Variants in SUSD6 observed in about 807,000 individuals in gnomAD.
SUSD6 encodes the protein sushi domain containing 6.
In SUSD6, 16 loss-of-function variants were observed where a neutral mutation model predicts 28.4. The observed-to-expected ratio is 0.56, with a 90% CI of 0.38 to 0.86. The LOEUF is 0.86. Ranked by LOEUF, SUSD6 falls within the 40% of genes least tolerant of loss-of-function variation. The pLI is 0.00. For synonymous variants in SUSD6, 147 were observed against 159.6 expected, an observed-to-expected ratio of 0.92 and a Z score of 0.59; for missense variants, 341 against 384.2, an observed-to-expected ratio of 0.89 and a Z score of 0.94.
rs191021058 is a variant in SUSD6 at position 69,660,935 on chromosome 14, T to G, written c.121+2222T>G. 1.2e-4 allele frequency among the ~76,000 whole-genome samples: 19 copies of G among 152,274 alleles called. No homozygotes were observed. In the East Asian group the frequency reaches 3.7e-3, roughly 29 times the overall value. Reference sequence around the variant, plus strand: ...ATGTTGAGGCTTTAAAATATTTGGGTCTTTGTAAAAGAGGTTCTTCCCCAG... The same window carrying G: ...ATGTTGAGGCTTTAAAATATTTGGGGCTTTGTAAAAGAGGTTCTTCCCCAG... On this transcript the variant is annotated intron_variant, in intron 2 of 5. Transcript: ENST00000342745.
intron 2 of SUSD6, among the ~76,000 whole-genome samples, chr14:69,668,685 C>G (rs1885782163): frequency 6.6e-6 from 1 of 151,074 alleles, no homozygotes. Context: ...CCTACCAAAT[C>G]TCATGTTAAA....
chr14:69,622,462 C>T (rs1315662996), intron 1 of SUSD6, among the ~76,000 whole-genome samples: 2 of 152,186 alleles, frequency 1.3e-5, no homozygotes, highest in South Asian at 4.1e-4. Context: ...GCTACCACCC[C>T]GGCCCAGTGT....
intron 2 of SUSD6, among the ~76,000 whole-genome samples, chr14:69,685,111 C>T (rs891255220): frequency 3.3e-5 from 5 of 152,188 alleles, no homozygotes; most frequent in Admixed American, 1.3e-4. Flanking sequence ...GTTGAGAGGA[C>T]TCAGGAAGGG....
At chr14:69,672,776 G>C (rs1885852835) in intron 2 of SUSD6, among the ~76,000 whole-genome samples, 1 of 152,322 alleles carries the variant, frequency 6.6e-6, no homozygotes, top group Admixed American at 6.5e-5. Context: ...TGGCAGGGTG[G>C]GATCTGAGCA....
At chr14:69,630,642 G>A (rs560917238) in intron 1 of SUSD6, among the ~76,000 whole-genome samples, 19 of 151,794 alleles carry the variant, frequency 1.3e-4, no homozygotes, top group Admixed American at 5.9e-4. Flanking sequence ...CCCAGGCAGC[G>A]TGCTTCATGT....
chr14:69,619,676 T>C (rs981442504), intron 1 of SUSD6, among the ~76,000 whole-genome samples: 14 of 150,978 alleles, frequency 9.3e-5, no homozygotes, highest in African/African-American at 3.4e-4. Context: ...GAGGCTGAAG[T>C]TGGGGGATCG....
chr14:69,625,136 G>A (rs1595031418), intron 1 of SUSD6, among the ~76,000 whole-genome samples: 1 of 152,166 alleles, frequency 6.6e-6, no homozygotes, highest in African/African-American at 2.4e-5. Flanking sequence ...TGACTGTGTG[G>A]CTTCAGGTAG....
rs1402968780 is a variant in SUSD6 at position 69,712,021 on chromosome 14, G to A, written c.*1042G>A. The A allele has an allele frequency of 1.3e-5, 2 of 152,374 alleles. No homozygotes were observed. The highest frequency in any genetic ancestry group is 2.4e-5 in the African/African-American group (1 of 41,464). 9.4% of individuals were successfully genotyped at this position (152,374 alleles called of 1,614,324 possible). A position where few individuals can be genotyped will look rare whatever the true frequency, so the allele number is the denominator to read the frequency against. On this transcript the variant is annotated 3_prime_UTR_variant, in exon 6 of 6. Transcript: ENST00000342745. ...TGCCCCTTTCTGGGTTTGTGGTGAC[G>A]GAGGGGAGGCCGAGAGGCACAGACC...
At chr14:69,678,344 A>G (rs1055322898) in intron 2 of SUSD6, among the ~76,000 whole-genome samples, 3 of 148,684 alleles carry the variant, frequency 2.0e-5, no homozygotes, top group Non-Finnish European at 4.5e-5. Context: ...ATATAATTAT[A>G]TAAATATATA....
At chr14:69,644,534 C>A (rs1451497261) in intron 1 of SUSD6, among the ~76,000 whole-genome samples, 1 of 151,848 alleles carries the variant, frequency 6.6e-6, no homozygotes, top group East Asian at 1.9e-4. Context: ...CCTGTAGTCC[C>A]AGCTACTCGG....
chr14:69,684,665 G>A (rs1279471127), intron 2 of SUSD6, among the ~76,000 whole-genome samples: 1 of 152,230 alleles, frequency 6.6e-6, no homozygotes, highest in African/African-American at 2.4e-5. Flanking sequence ...TGGAAACATC[G>A]TGTCTGTAGC....
At position 69,711,133 on chromosome 14, in the gene SUSD6, C is replaced by G; in HGVS notation, c.*154C>G. On this transcript the variant is annotated 3_prime_UTR_variant, in exon 6 of 6. Coordinates refer to ENST00000342745, the MANE Select transcript of SUSD6 (RefSeq NM_014734.4). ...TATCTCTGAGGGCCCTATAGGCCCA[C>G]CTTGCTGGAAACTCAAGGAAGATTC... is the stretch of plus-strand genomic sequence containing the variant. 1 of 689,274 alleles carries G rather than the reference C, an allele frequency of 1.5e-6. No individual in the cohort carries two copies. Among genetic ancestry groups the G allele is most frequent in the Non-Finnish European group, 2.5e-6 (1 of 398,498 alleles). 42.7% of individuals were successfully genotyped at this position (689,274 alleles called of 1,614,324 possible).
intron 2 of SUSD6, among the ~76,000 whole-genome samples, chr14:69,670,704 T>C (rs1195712695): frequency 6.6e-6 from 1 of 152,264 alleles, no homozygotes; most frequent in Non-Finnish European, 1.5e-5. Flanking sequence ...TATAGGGTTG[T>C]GGTGAAGATG....
At chr14:69,612,122 G>A (rs1359044479) in intron 1 of SUSD6, among the ~76,000 whole-genome samples, 1 of 151,820 alleles carries the variant, frequency 6.6e-6, no homozygotes, top group African/African-American at 2.4e-5. Flanking sequence ...GGTGACCCGC[G>A]GTCCGGGGCG....
intron 2 of SUSD6, among the ~76,000 whole-genome samples, chr14:69,685,354 G>C (rs146047008): frequency 6.6e-6 from 1 of 152,344 alleles, no homozygotes; most frequent in East Asian, 1.9e-4. Flanking sequence ...TTATTCCACT[G>C]CAAGGTCTGG....
intron 2 of SUSD6, among the ~76,000 whole-genome samples, chr14:69,703,052 A>C (rs1314004965): frequency 6.6e-6 from 1 of 152,194 alleles, no homozygotes; most frequent in African/African-American, 2.4e-5. Context: ...TATGTGTGTT[A>C]CAGGCTTTAT....
Position 69,703,281 on chromosome 14 carries a change from G to C in SUSD6, c.122-114G>C, listed in dbSNP as rs145230503. 16 of 830,760 alleles carry C rather than the reference G, an allele frequency of 1.9e-5. 1 individual carries two copies. Among genetic ancestry groups the C allele is most frequent in the African/African-American group, 1.2e-4 (7 of 58,596 alleles). 51.5% of individuals were successfully genotyped at this position (830,760 alleles called of 1,614,324 possible). On this transcript the variant is annotated intron_variant, in intron 2 of 5. Coordinates refer to ENST00000342745, the MANE Select transcript of SUSD6 (RefSeq NM_014734.4). ...TTGGTTAACAGTTCCTCCAAGGAAA[G>C]GGTTATTTCCTCCTCCTGTGTTTCC...
chr14:69,704,856 C>T (rs889261574), intron 4 of SUSD6, 114 bp downstream of exon 4: 5 of 1,163,934 alleles, frequency 4.3e-6, no homozygotes, highest in Non-Finnish European at 6.1e-6. Context: ...TGTGTGTGTC[C>T]AGGGAGTGGG....
rs947015612 is a variant in SUSD6 at position 69,645,089 on chromosome 14, G to T, written c.-80-13424G>T. The stretch of plus-strand genomic sequence containing the variant: ...AAGAGGACAGGAGGAATCATGGTTT[G>T]GTTATAAATTAGGAGGCTTCCTGGA... On this transcript the variant is annotated intron_variant, in intron 1 of 5. Coordinates refer to ENST00000342745, the MANE Select transcript of SUSD6 (RefSeq NM_014734.4). Among the ~76,000 whole-genome samples the T allele has an allele frequency of 5.3e-5, 8 of 152,148 alleles. No individual in the cohort carries two copies. The East Asian group carries it at 5.8e-4, about 11-fold the overall frequency.
Sources: allele counts gnomAD v4.1 joint callset (sites outside exome capture counted in the v4.1 genomes callset), GRCh38; gene constraint gnomAD v4.1.1; transcripts MANE v1.5; gene names NCBI Gene and HGNC (gene_info 2026-07-23, HGNC 2026-07-21).